Variants in DNAJC11 observed in about 807,000 individuals in gnomAD.
DNAJC11 encodes DnaJ heat shock protein family (Hsp40) member C11.
A neutral mutation model predicts 78.6 loss-of-function variants in DNAJC11; 15 were observed. The observed-to-expected ratio is 0.19, with a 90% CI of 0.13 to 0.29. The LOEUF is 0.29. DNAJC11 is among the 10% of genes least tolerant of loss of function. The pLI is 1.00. For synonymous variants in DNAJC11, 292 were observed against 272.1 expected (o/e 1.07, Z -0.72); for missense variants, 547 against 709.6 (o/e 0.77, Z 2.60).
rs1642539892 is a variant in DNAJC11 at position 6,680,850 on chromosome 1, C to A, written c.202+58G>T. 1.0e-5 allele frequency: 16 copies of A among 1,594,030 alleles called. No individual in the cohort carries two copies. Among genetic ancestry groups the A allele is most frequent in the Non-Finnish European group, 1.4e-5 (16 of 1,166,398 alleles). ...TTTCTATCCTCTACAAATCGCACCTCCTAAAAATCGAATATCTGTTACCAG... is the reference window on the plus strand; with the variant it reads ...TTTCTATCCTCTACAAATCGCACCTACTAAAAATCGAATATCTGTTACCAG... On this transcript the variant is annotated intron_variant, in intron 2 of 15. Coordinates refer to ENST00000377577, the MANE Select transcript of DNAJC11 (RefSeq NM_018198.4). The surrounding 1 kb of genome is among the most constrained non-coding windows in gnomAD (Gnocchi z 4.0).
chr1:6,648,891 A>G (rs1410370037), intron 7 of DNAJC11, among the ~76,000 whole-genome samples: 1 of 152,220 alleles, frequency 6.6e-6, no homozygotes, highest in Non-Finnish European at 1.5e-5. Flanking sequence ...TTGCAGACCC[A>G]GTAGGTGAAT....
At chr1:6,671,196 TTTGATTTGAC>T (rs1642374536) in intron 3 of DNAJC11, among the ~76,000 whole-genome samples, 1 of 152,106 alleles carries the variant, frequency 6.6e-6, no homozygotes, top group Non-Finnish European at 1.5e-5. Context: ...GATAAAGAGA[TTTGATTTGAC>T]TTGATTTGAT....
chr1:6,675,326 C>T (rs757267788), intron 3 of DNAJC11, among the ~76,000 whole-genome samples: 17 of 150,350 alleles, frequency 1.1e-4, no homozygotes, highest in Non-Finnish European at 1.9e-4. Context: ...CTATGAGAAC[C>T]TGACTTCCTT....
chr1:6,641,538 T>A (rs984934650), intron 10 of DNAJC11, among the ~76,000 whole-genome samples: 9 of 141,926 alleles, frequency 6.3e-5, no homozygotes, highest in South Asian at 2.2e-4. Context: ...AAGACAAAAA[T>A]TTTTTTTTTT....
intron 3 of DNAJC11, among the ~76,000 whole-genome samples, chr1:6,673,238 A>T (rs550541921): frequency 6.7e-6 from 1 of 149,760 alleles, no homozygotes; most frequent in South Asian, 2.1e-4. Flanking sequence ...AAACCGACTC[A>T]GCCCAGGAGT....
Position 6,682,236 on chromosome 1 carries a change from G to A in DNAJC11, c.73-1199C>T, listed in dbSNP as rs545432242. Among the ~76,000 whole-genome samples the A allele has an allele frequency of 4.0e-5, 6 of 149,686 alleles. No individual in the cohort carries two copies. In the East Asian group the frequency reaches 1.2e-3, roughly 29 times the overall value. On this transcript the variant is annotated intron_variant, in intron 1 of 15. Transcript: ENST00000377577. ...AATTTTTCAACATCTTTCAGTCCCA[G>A]GACTAATGAGCTTCTTCACCAGCAA...
Position 6,686,710 on chromosome 1 carries a change from T to C in DNAJC11, c.73-5673A>G, listed in dbSNP as rs376870445. On this transcript the variant is annotated intron_variant, in intron 1 of 15. Transcript: ENST00000377577. ...CTGGGCAAGCAAAGAACCAACCACA[T>C]TGGGTGAACGGTACTTATACCTACC... is the stretch of plus-strand genomic sequence containing the variant. 1.5e-3 allele frequency among the ~76,000 whole-genome samples: 225 copies of C among 152,338 alleles called. 1 individual carries two copies. Among genetic ancestry groups the C allele is most frequent in the African/African-American group, 5.1e-3 (213 of 41,580 alleles).
chr1:6,678,081 C>A (rs1480246344), intron 3 of DNAJC11, among the ~76,000 whole-genome samples: 1 of 152,182 alleles, frequency 6.6e-6, no homozygotes, highest in Admixed American at 6.5e-5. Context: ...CTCCCATCAA[C>A]CCCCTGCTCC....
In DNAJC11 at chr1:6,634,545, C is replaced by T. The variant is rs746251740; in HGVS notation, c.*1130G>A. The T allele has an allele frequency of 1.4e-5, 19 of 1,363,980 alleles. No homozygotes were observed. The highest frequency in any genetic ancestry group is 6.9e-5 in the South Asian group (6 of 87,232). 84.5% of individuals were successfully genotyped at this position (1,363,980 alleles called of 1,614,324 possible). On this transcript the variant is annotated 3_prime_UTR_variant, in exon 16 of 16. Transcript: ENST00000377577. The stretch of plus-strand genomic sequence containing the variant: ...GCTGTCTCAGCCACCACCTGTGCGG[C>T]GCTTGCTCCGAGGGGTCAGCAAGAG...
rs1251316024 is a variant in DNAJC11 at position 6,653,282 on chromosome 1, G to T, written c.508-331C>A. Among the ~76,000 whole-genome samples, 1 of 152,160 alleles carries T rather than the reference G, an allele frequency of 6.6e-6. No individual in the cohort carries two copies. The highest frequency in any genetic ancestry group is 2.4e-5 in the African/African-American group (1 of 41,418). ...CTTCCCTCTGTGGTTTGCCATCAGG[G>T]TTCCAGGGGGACTGAAGACCTTCCC... On this transcript the variant is annotated intron_variant, in intron 5 of 15. Transcript: ENST00000377577. This position sits in a 1 kb window ranked among gnomAD's most constrained non-coding sequence, Gnocchi z 4.5.
rs2148730085 is a variant in DNAJC11, at chr1:6,645,175, G to A, written c.895-49C>T. On this transcript the variant is annotated intron_variant, in intron 8 of 15. Coordinates refer to ENST00000377577, the MANE Select transcript of DNAJC11 (RefSeq NM_018198.4). This position sits in a 1 kb window ranked among gnomAD's most constrained non-coding sequence, Gnocchi z 4.1. ...ATGCGTGGCTAGGGCGTGTGACTCT[G>A]TGGGGAGATGGGTATCTGCCCTCCC... 1 of 1,455,274 alleles carries A rather than the reference G, an allele frequency of 6.9e-7. No homozygotes were observed. The highest frequency in any genetic ancestry group is 1.4e-5 in the African/African-American group (1 of 71,910). 90.1% of individuals were successfully genotyped at this position (1,455,274 alleles called of 1,614,324 possible).
In DNAJC11 at chr1:6,634,528, A is replaced by G. The variant is rs1341686291; in HGVS notation, c.*1147T>C. Reference sequence around the variant, plus strand: ...TGGGGCCCCCCGCGCCAGCTGTCTCAGCCACCACCTGTGCGGCGCTTGCTC... The same window carrying G: ...TGGGGCCCCCCGCGCCAGCTGTCTCGGCCACCACCTGTGCGGCGCTTGCTC... On this transcript the variant is annotated 3_prime_UTR_variant, in exon 16 of 16. Transcript: ENST00000377577. The G allele has an allele frequency of 1.5e-6, 2 of 1,361,800 alleles. No homozygotes were observed. The highest frequency in any genetic ancestry group is 2.0e-6 in the Non-Finnish European group (2 of 1,020,254). The allele number at this position is 1,361,800 out of a possible 1,614,324, so 84.4% of individuals were successfully genotyped here.
At chr1:6,667,927 G>A in intron 3 of DNAJC11, 117 bp from the exon 4 acceptor site, 1 of 927,256 alleles carries the variant, frequency 1.1e-6, no homozygotes, top group Non-Finnish European at 1.7e-6. Context: ...TCCGGCCACA[G>A]CCTTTCCTCA....
Position 6,637,338 on chromosome 1 carries a change from G to A in DNAJC11, c.1384C>T (p.Leu462Phe). 6.2e-7 allele frequency: 1 copy of A among 1,614,184 alleles called. No homozygotes were observed. The highest frequency in any genetic ancestry group is 8.5e-7 in the Non-Finnish European group (1 of 1,180,040). ...CCGTACCAGGCATTGACGATGATGA[G>A]GCCTAAGGACAGACTCCGAGTAGAG... The part of the protein sequence containing the change: ...IIEAEESRMG[L>F]IIVNAWYGKF... The change falls in exon 14 of 16, where the codon CTC becomes TTC. Residue 462 changes from leucine (L) to phenylalanine (F), a missense_variant and splice_region_variant. Transcript: ENST00000377577.
At chr1:6,689,763 C>T (rs1314336156) in intron 1 of DNAJC11, among the ~76,000 whole-genome samples, 1 of 146,920 alleles carries the variant, frequency 6.8e-6, no homozygotes, top group Admixed American at 6.8e-5. Flanking sequence ...GCAACAAGAG[C>T]GAAACTCCGT....
rs576715127 is a variant in DNAJC11 at position 6,644,379 on chromosome 1, C to A, written c.1097+179G>T. ...AAACTCCTGACCTCAGGCGATCCGG[C>A]CGCCTTGGCCTCCTAAAGTGCTGGG... is the stretch of plus-strand genomic sequence containing the variant. On this transcript the variant is annotated intron_variant, in intron 10 of 15. Transcript: ENST00000377577. Among the ~76,000 whole-genome samples, 4 of 152,364 alleles carry A rather than the reference C, an allele frequency of 2.6e-5. No homozygotes were observed. In the East Asian group the frequency reaches 7.7e-4, roughly 29 times the overall value.
intron 3 of DNAJC11, among the ~76,000 whole-genome samples, chr1:6,669,383 T>A (rs531180231): frequency 4.8e-4 from 73 of 151,718 alleles, no homozygotes; most frequent in African/African-American, 1.8e-3. Context: ...TGGTGGCAGG[T>A]GCCTGTAATC....
At chr1:6,671,735 T>C (rs1157233829) in intron 3 of DNAJC11, among the ~76,000 whole-genome samples, 1 of 151,688 alleles carries the variant, frequency 6.6e-6, no homozygotes, top group African/African-American at 2.4e-5. Flanking sequence ...GGTTTCACAG[T>C]ATTAGCCAGG....
chr1:6,665,683 G>C (rs1234877259), intron 4 of DNAJC11, among the ~76,000 whole-genome samples: 3 of 152,066 alleles, frequency 2.0e-5, no homozygotes, highest in South Asian at 4.2e-4. Context: ...CATTTGCATA[G>C]AGTCCCAATA....
Sources: allele counts gnomAD v4.1 joint callset (sites outside exome capture counted in the v4.1 genomes callset), GRCh38; gene constraint gnomAD v4.1.1; non-coding constraint Gnocchi (gnomAD v3.1); transcripts MANE v1.5; gene names NCBI Gene and HGNC (gene_info 2026-07-23, HGNC 2026-07-21).